NRDE2: variants seen among roughly 807,000 people sequenced by gnomAD.
NRDE2 encodes the protein nuclear exosome regulator NRDE2.
In NRDE2, 76 loss-of-function variants were observed where a neutral mutation model predicts 124.2. The ratio of observed to expected loss-of-function variants is 0.61; its 90% confidence interval spans 0.51 to 0.74. The LOEUF (loss-of-function observed/expected upper bound fraction) is 0.74, where lower values mean the gene tolerates loss of function less well. Ranked by LOEUF, NRDE2 falls within the 30% of genes least tolerant of loss-of-function variation. The pLI, the probability that NRDE2 is intolerant of heterozygous loss-of-function variation, is 0.00. For missense variants in NRDE2, 1,314 were observed against 1,417.3 expected, an observed-to-expected ratio of 0.93 and a Z score of 1.17; for synonymous variants, 489 against 528.1, an observed-to-expected ratio of 0.93 and a Z score of 1.01.
rs761357790 is a variant in NRDE2, at chr14:90,288,830, T to C, written c.2545A>G (p.Ile849Val). ...RRAATARAVH[I>V]LTKLTESSPY... is the part of the protein sequence containing the mutation. The stretch of plus-strand genomic sequence containing the variant: ...CTGCTCTCAGTCAGCTTGGTTAATA[T>C]GTGAACAGCTCGAGCTGTGGCAGCC... The change falls in exon 11 of 14, where the codon ATA becomes GTA. Residue 849 changes from isoleucine (I) to valine (V), a missense_variant. Ile to Val is a conservative substitution (Grantham distance 29). Coordinates refer to ENST00000354366, the MANE Select transcript of NRDE2 (RefSeq NM_017970.4). 2 of 1,614,150 alleles carry C rather than the reference T, an allele frequency of 1.2e-6. No homozygotes were observed. Among genetic ancestry groups the C allele is most frequent in the Non-Finnish European group, 1.7e-6 (2 of 1,180,036 alleles).
rs148200991 is a variant in NRDE2, at chr14:90,286,453, G to C, written c.3198C>G (p.Thr1066=). The C allele has an allele frequency of 1.1e-4, 178 of 1,614,092 alleles. 1 individual carries two copies. The African/African-American group carries it at 2.1e-3, about 19-fold the overall frequency. ...GGGCTTGGATCCGATGCATTAAGCC[G>C]GTCTCAGGAATTGTGGCGTGGATCT... The part of the protein sequence containing the change: ...GREIHATIPE[T]GLMHRIQALF... Residue 1066 remains threonine (T), a synonymous_variant, in exon 12 of 14, where the codon ACC becomes ACG. Coordinates refer to ENST00000354366, the MANE Select transcript of NRDE2 (RefSeq NM_017970.4).
Position 90,305,729 on chromosome 14 carries a change from G to A in NRDE2, c.558-1347C>T, listed in dbSNP as rs192860975. On this transcript the variant is annotated intron_variant, in intron 4 of 13. Transcript: ENST00000354366. Reference sequence around the variant, plus strand: ...CATGCATTTTAGAACAGGTAAAAACGAATTGAGGGTGGAAACAAGTAAGAA... The same window carrying A: ...CATGCATTTTAGAACAGGTAAAAACAAATTGAGGGTGGAAACAAGTAAGAA... Among the ~76,000 whole-genome samples the A allele has an allele frequency of 4.4e-3, 670 of 152,284 alleles. 10 individuals carry two copies. The highest frequency in any genetic ancestry group is 0.029 in the Admixed American group (447 of 15,288).
chr14:90,296,771 GC>G (rs1054035689), intron 8 of NRDE2, among the ~76,000 whole-genome samples: 1 of 138,138 alleles, frequency 7.2e-6, no homozygotes, highest in Non-Finnish European at 1.7e-5. Flanking sequence ...GGGGAGTGAA[GC>G]AGTTCCTGAA....
chr14:90,316,639 A>T lies in NRDE2; in HGVS notation c.346T>A (p.Ser116Thr). 1 of 1,614,198 alleles carries T rather than the reference A, an allele frequency of 6.2e-7. No individual in the cohort carries two copies. Among genetic ancestry groups the T allele is most frequent in the Non-Finnish European group, 8.5e-7 (1 of 1,180,030 alleles). ...CCTCTGGAAGGTTTGTCCTTTTCAGAATCGGTGTCTGTCTCAGACCTGCTG... is the reference window on the plus strand; with the variant it reads ...CCTCTGGAAGGTTTGTCCTTTTCAGTATCGGTGTCTGTCTCAGACCTGCTG... ...SSSRSETDTD[S>T]EKDKPSRGVG... is the part of the protein sequence containing the mutation. Residue 116 changes from serine to threonine, a missense_variant, in exon 3 of 14, where the codon TCT becomes ACT. By Grantham distance (58) the Ser-to-Thr change is moderately conservative (BLOSUM62 1). Transcript: ENST00000354366.
chr14:90,313,484 T>C (rs1566698029), intron 3 of NRDE2, among the ~76,000 whole-genome samples: 1 of 152,082 alleles, frequency 6.6e-6, no homozygotes, highest in South Asian at 2.1e-4. Context: ...CATCTGGACC[T>C]CGTAAATAAA....
rs569610107 is a variant in NRDE2, at chr14:90,330,335, G to A, written c.64+1506C>T. Among the ~76,000 whole-genome samples, 8 of 152,174 alleles carry A rather than the reference G, an allele frequency of 5.3e-5. No homozygotes were observed. The East Asian group carries it at 9.6e-4, about 18-fold the overall frequency. ...GTGCACTCATGCATTCCTGCAACAC[G>A]TAATTATTAAGTAACTACTATCGAT... On this transcript the variant is annotated intron_variant, in intron 1 of 13. Coordinates refer to ENST00000354366, the MANE Select transcript of NRDE2 (RefSeq NM_017970.4).
chr14:90,268,434 T>G lies in NRDE2; in HGVS notation c.*9902A>C, dbSNP rs1319605025. 6.2e-7 allele frequency: 1 copy of G among 1,612,532 alleles called. No individual in the cohort carries two copies. The highest frequency in any genetic ancestry group is 1.1e-5 in the South Asian group (1 of 90,984). ...AAAAGGTAGACTTTCTCATACTTAT[T>G]TTGCCTTGTTTAGTAGGGAACACCG... On this transcript the variant is annotated 3_prime_UTR_variant, in exon 14 of 14. Transcript: ENST00000354366.
intron 10 of NRDE2, 125 bp from the exon 11 acceptor site, chr14:90,289,270 T>C: frequency 1.3e-6 from 1 of 752,342 alleles, no homozygotes; most frequent in South Asian, 1.9e-5. Flanking sequence ...ACGGGTCTGG[T>C]AAACACTGAG....
At position 90,316,585 on chromosome 14, in the gene NRDE2, C is replaced by T. The variant is rs1190192712; in HGVS notation, c.400G>A (p.Glu134Lys). 4 of 1,608,626 alleles carry T rather than the reference C, an allele frequency of 2.5e-6. No individual in the cohort carries two copies. In the Admixed American group the frequency reaches 5.1e-5, roughly 21 times the overall value. The stretch of plus-strand genomic sequence containing the variant: ...TTGAGAACAGCAACCTACTTCGGTT[C>T]CTCAGATTCCTTTTTACTGCCTCCA... ...GVGGSKKESE[E>K]PNQGNNAAAD... is the part of the protein sequence containing the mutation. Residue 134 changes from glutamate (E) to lysine (K), a missense_variant, in exon 3 of 14, where the codon GAA (glutamate) becomes AAA (lysine). Transcript: ENST00000354366.
chr14:90,272,476 G>T lies in NRDE2; in HGVS notation c.*5860C>A, dbSNP rs1891695405. The T allele has an allele frequency of 6.2e-6, 7 of 1,131,624 alleles. No homozygotes were observed. Among genetic ancestry groups the T allele is most frequent in the East Asian group, 2.6e-5 (1 of 38,394 alleles). 70.1% of individuals were successfully genotyped at this position (1,131,624 alleles called of 1,614,324 possible). A position where few individuals can be genotyped will look rare whatever the true frequency, so the allele number is the denominator to read the frequency against. On this transcript the variant is annotated 3_prime_UTR_variant, in exon 14 of 14. Transcript: ENST00000354366. This position sits in a 1 kb window ranked among gnomAD's most constrained non-coding sequence, Gnocchi z 4.5. ...ATCCCTGAAAGGGATGAGGTTGGGG[G>T]AGTTGCCCAGAGGAATCCCTGTTCC...
chr14:90,299,709 C>T (rs906986036), intron 7 of NRDE2, among the ~76,000 whole-genome samples: 6 of 152,130 alleles, frequency 3.9e-5, no homozygotes, highest in African/African-American at 1.4e-4. Context: ...AACGTCCTGA[C>T]ACGTCAGTCA....
At chr14:90,312,281 C>T in intron 4 of NRDE2, 113 bp downstream of exon 4, 7 of 976,966 alleles carry the variant, frequency 7.2e-6, no homozygotes, top group Non-Finnish European at 1.1e-5. Context: ...ATAAATAAAA[C>T]CCAACAGAAC....
Position 90,275,578 on chromosome 14 carries a change from C to G in NRDE2, c.*2758G>C, listed in dbSNP as rs1891786840. 1 of 152,244 alleles carries G rather than the reference C, an allele frequency of 6.6e-6. No homozygotes were observed. The highest frequency in any genetic ancestry group is 2.1e-4 in the South Asian group (1 of 4,832). 9.4% of individuals were successfully genotyped at this position (152,244 alleles called of 1,614,324 possible). A position where few individuals can be genotyped will look rare whatever the true frequency, so the allele number is the denominator to read the frequency against. On this transcript the variant is annotated 3_prime_UTR_variant, in exon 14 of 14. Coordinates refer to ENST00000354366, the MANE Select transcript of NRDE2 (RefSeq NM_017970.4). ...TAGCGGGCTGAACTGCGCCCCACCC[C>G]AGCTGCTTCTCCAGTTTGCTTACTG...
chr14:90,288,536 C>G lies in NRDE2; in HGVS notation c.2839G>C (p.Asp947His), dbSNP rs1290731700. Residue 947 changes from aspartate (D) to histidine (H), a missense_variant, in exon 11 of 14, where the codon GAC (aspartate) becomes CAC (histidine). Coordinates refer to ENST00000354366, the MANE Select transcript of NRDE2 (RefSeq NM_017970.4). The stretch of plus-strand genomic sequence containing the variant: ...GTCCAACTCTGGGAGCTGGCACTGT[C>G]CCCCTCGCCAGAGCCTTCTGGGAAA... ...SVFPEGSGEGDSASSQSWTSV... is the reference protein window; with the variant it reads ...SVFPEGSGEGHSASSQSWTSV... The G allele has an allele frequency of 6.2e-7, 1 of 1,614,010 alleles. No homozygotes were observed. The highest frequency in any genetic ancestry group is 8.5e-7 in the Non-Finnish European group (1 of 1,179,996).
chr14:90,287,033 C>CAA (rs60863011), intron 11 of NRDE2, among the ~76,000 whole-genome samples: 3,347 of 23,754 alleles, frequency 0.14, 909 homozygotes, highest in South Asian at 0.25. Flanking sequence ...GACTCCGTCT[C>CAA]AAAAAAAAAA....
At chr14:90,320,421 G>A (rs1013947049) in intron 1 of NRDE2, among the ~76,000 whole-genome samples, 1 of 152,194 alleles carries the variant, frequency 6.6e-6, no homozygotes, top group Non-Finnish European at 1.5e-5. Context: ...AGAACAGCAT[G>A]GGGCGAACTG....
At chr14:90,319,599 A>G (rs1318045760) in intron 1 of NRDE2, among the ~76,000 whole-genome samples, 1 of 152,174 alleles carries the variant, frequency 6.6e-6, no homozygotes, top group Non-Finnish European at 1.5e-5. Flanking sequence ...CATATAATAT[A>G]CGTGGTCTTT....
chr14:90,282,582 C>A (rs1891984336), intron 12 of NRDE2, among the ~76,000 whole-genome samples: 1 of 152,060 alleles, frequency 6.6e-6, no homozygotes, highest in Non-Finnish European at 1.5e-5. Flanking sequence ...TGCTAAATTC[C>A]AACATTAGTG....
At chr14:90,328,074 C>T (rs1403967135) in intron 1 of NRDE2, among the ~76,000 whole-genome samples, 2 of 150,860 alleles carry the variant, frequency 1.3e-5, no homozygotes, top group Non-Finnish European at 2.9e-5. Flanking sequence ...ACCCGGGAGG[C>T]GGAGCTTGCA....
Sources: gnomAD v4.1 joint callset for allele counts (sites outside exome capture counted in the v4.1 genomes callset) on GRCh38, gnomAD v4.1.1 for gene constraint, Gnocchi (gnomAD v3.1) non-coding constraint, MANE v1.5 for transcripts, NCBI Gene and HGNC (gene_info 2026-07-23, HGNC 2026-07-21) for gene names.